Variants in CADM2 observed in about 807,000 individuals in gnomAD.
CADM2 encodes immunoglobulin superfamily member 4D.
In CADM2, 12 loss-of-function variants were observed where a neutral mutation model predicts 49.8. The observed-to-expected ratio is 0.24, with a 90% CI of 0.15 to 0.39. The LOEUF is 0.39. Among genes scored for constraint, CADM2 ranks in the 10% least tolerant of loss-of-function variants. The pLI, the probability that CADM2 is intolerant of heterozygous loss-of-function variation, is 1.00. For synonymous variants in CADM2, 214 were observed against 175.4 expected (o/e 1.22, Z -1.74); for missense variants, 378 against 492.3 (o/e 0.77, Z 2.20).
intron 2 of CADM2, among the ~76,000 whole-genome samples, chr3:85,779,772 G>A (rs968023614): frequency 6.6e-6 from 1 of 152,152 alleles, no homozygotes; most frequent in Non-Finnish European, 1.5e-5. Context: ...CATCATATGT[G>A]TATCACAAAT....
intron 8 of CADM2, among the ~76,000 whole-genome samples, chr3:86,050,507 G>A (rs1034313694): frequency 6.6e-6 from 1 of 152,130 alleles, no homozygotes; most frequent in African/African-American, 2.4e-5. Context: ...CTCTGTGTGG[G>A]GACTCCAGCC....
At chr3:85,491,506 G>T (rs761988177) in intron 1 of CADM2, among the ~76,000 whole-genome samples, 1 of 152,024 alleles carries the variant, frequency 6.6e-6, no homozygotes, top group Non-Finnish European at 1.5e-5. Flanking sequence ...TCATGTGAGC[G>T]TATATGACAT....
chr3:85,806,950 T>C (rs1204140132), intron 3 of CADM2, among the ~76,000 whole-genome samples: 5 of 152,132 alleles, frequency 3.3e-5, no homozygotes, highest in African/African-American at 1.2e-4. Flanking sequence ...CTTGTGTCCA[T>C]TGATAAATGG....
At chr3:85,659,083 T>TAATAATAATAAC (rs1253912561) in intron 1 of CADM2, among the ~76,000 whole-genome samples, 12 of 148,922 alleles carry the variant, frequency 8.1e-5, no homozygotes, top group East Asian at 7.9e-4. Flanking sequence ...ATAATAATAA[T>TAATAATAATAAC]AACAATAAAT....
chr3:86,042,709 A>G (rs1163024155), intron 8 of CADM2, among the ~76,000 whole-genome samples: 1 of 152,112 alleles, frequency 6.6e-6, no homozygotes, highest in Non-Finnish European at 1.5e-5. Context: ...AAAAGAGGGA[A>G]TCCTCCCTAA....
chr3:85,174,793 C>G (rs2040732168), intron 1 of CADM2, among the ~76,000 whole-genome samples: 1 of 151,962 alleles, frequency 6.6e-6, no homozygotes, highest in African/African-American at 2.4e-5. Flanking sequence ...AGAAGATTGG[C>G]TTATTAGAGG....
intron 1 of CADM2, among the ~76,000 whole-genome samples, chr3:85,573,445 C>G (rs987485259): frequency 1.3e-5 from 2 of 152,122 alleles, no homozygotes; most frequent in Non-Finnish European, 2.9e-5. Context: ...ACCGCCTTGA[C>G]CTCCCAAAGT....
At chr3:85,274,046 C>A (rs552398865) in intron 1 of CADM2, among the ~76,000 whole-genome samples, 1 of 151,410 alleles carries the variant, frequency 6.6e-6, no homozygotes, top group East Asian at 2.0e-4. Flanking sequence ...TTAACTGGAT[C>A]AAATGCTGTT....
chr3:85,408,047 A>C (rs17022773), intron 1 of CADM2, among the ~76,000 whole-genome samples: 5,576 of 150,758 alleles, frequency 0.037, 382 homozygotes, highest in African/African-American at 0.13. Flanking sequence ...GAAGAAAAAA[A>C]CGGACTTAAT....
intron 1 of CADM2, among the ~76,000 whole-genome samples, chr3:85,632,691 G>A (rs1258988570): frequency 1.3e-5 from 2 of 151,958 alleles, no homozygotes; most frequent in Non-Finnish European, 2.9e-5. Context: ...TATTCTCATT[G>A]TGGTGCACTT....
At chr3:85,693,240 T>C (rs751806107) in intron 1 of CADM2, among the ~76,000 whole-genome samples, 2 of 147,388 alleles carry the variant, frequency 1.4e-5, no homozygotes, top group African/African-American at 5.1e-5. Flanking sequence ...AGAGCCAGAC[T>C]CAAAAACAAG....
intron 1 of CADM2, among the ~76,000 whole-genome samples, chr3:85,069,377 TTAA>T (rs1287986201): frequency 1.6e-4 from 25 of 152,136 alleles, no homozygotes; most frequent in Non-Finnish European, 3.5e-4. Context: ...CCACAGAAGA[TTAA>T]TATTTTTTGT....
At chr3:85,710,263 T>C (rs1189528761) in intron 1 of CADM2, among the ~76,000 whole-genome samples, 1 of 152,190 alleles carries the variant, frequency 6.6e-6, no homozygotes, top group Non-Finnish European at 1.5e-5. Context: ...TGCTGTTGTC[T>C]GGAAAGACTT....
At chr3:85,747,325 A>G (rs2068656114) in intron 2 of CADM2, among the ~76,000 whole-genome samples, 1 of 152,116 alleles carries the variant, frequency 6.6e-6, no homozygotes, top group South Asian at 2.1e-4. Context: ...TTTTATGATC[A>G]CCTATGAATA....
At chr3:85,187,446 GT>G (rs960987974) in intron 1 of CADM2, among the ~76,000 whole-genome samples, 2 of 151,656 alleles carry the variant, frequency 1.3e-5, no homozygotes, top group African/African-American at 2.4e-5. Flanking sequence ...CTCCTCATAA[GT>G]TTTTTTTAAA....
chr3:85,178,271 G>T (rs779777052), intron 1 of CADM2, among the ~76,000 whole-genome samples: 1 of 151,674 alleles, frequency 6.6e-6, no homozygotes, highest in African/African-American at 2.4e-5. Flanking sequence ...ATGATCTACA[G>T]AATATATTTT....
At chr3:85,247,793 A>G (rs2042683203) in intron 1 of CADM2, among the ~76,000 whole-genome samples, 1 of 152,150 alleles carries the variant, frequency 6.6e-6, no homozygotes, top group South Asian at 2.1e-4. Context: ...AAATGAATGG[A>G]AATGTATTCC....
intron 1 of CADM2, among the ~76,000 whole-genome samples, chr3:85,619,469 C>T (rs2063905546): frequency 6.6e-6 from 1 of 152,080 alleles, no homozygotes; most frequent in Admixed American, 6.6e-5. Context: ...CCCTTTCACT[C>T]AAAATATCCT....
At chr3:85,490,779 A>G (rs943735919) in intron 1 of CADM2, among the ~76,000 whole-genome samples, 3 of 152,098 alleles carry the variant, frequency 2.0e-5, no homozygotes, top group African/African-American at 7.2e-5. Context: ...ATTGCCATTT[A>G]AAGTCCTTAA....
Sources: allele counts gnomAD v4.1 joint callset (sites outside exome capture counted in the v4.1 genomes callset), GRCh38; gene constraint gnomAD v4.1.1; transcripts MANE v1.5; gene names NCBI Gene and HGNC (gene_info 2026-07-23, HGNC 2026-07-21).